The following CAND1 variants were observed in gnomAD, a reference collection of about 807,000 sequenced individuals.
The protein encoded by CAND1 is cullin associated and neddylation dissociated 1, also known as cullin-associated NEDD8-dissociated protein 1.
A neutral mutation model predicts 108.5 loss-of-function variants in CAND1; 7 were observed. The observed-to-expected ratio is 0.06, with a 90% confidence interval of 0.04 to 0.12. The LOEUF is 0.12. Ranked by LOEUF, CAND1 falls within the 10% of genes least tolerant of loss-of-function variation. CAND1 has a pLI of 1.00. For missense variants in CAND1, 941 were observed against 1,448.7 expected (o/e 0.65, Z 5.69); for synonymous variants, 534 against 512.0 (o/e 1.04, Z -0.58).
chr12:67,284,490 C>A (rs992700590), intron 2 of CAND1, among the ~76,000 whole-genome samples: 2 of 152,020 alleles, frequency 1.3e-5, no homozygotes, highest in Non-Finnish European at 2.9e-5. Flanking sequence ...AACATTGAAT[C>A]TTGATTAAAA....
chr12:67,289,589 G>A (rs866298076), intron 2 of CAND1, among the ~76,000 whole-genome samples: 6 of 152,128 alleles, frequency 3.9e-5, no homozygotes, highest in Admixed American at 1.3e-4. Flanking sequence ...GTTTCACCAT[G>A]TTGCCCAGGC....
At chr12:67,282,813 G>A (rs1295428980) in intron 2 of CAND1, among the ~76,000 whole-genome samples, 2 of 152,102 alleles carry the variant, frequency 1.3e-5, no homozygotes, top group African/African-American at 2.4e-5. Flanking sequence ...CATATGATAC[G>A]ATAGTTACAG....
In CAND1 at chr12:67,319,281, C is replaced by T. The variant is rs1410408712; in HGVS notation, c.*6451C>T. 6.6e-6 allele frequency: 1 copy of T among 152,260 alleles called. No individual in the cohort carries two copies. Among genetic ancestry groups the T allele is most frequent in the African/African-American group, 2.4e-5 (1 of 41,458 alleles). The allele number at this position is 152,260 out of a possible 1,614,324, so 9.4% of individuals were successfully genotyped here. On this transcript the variant is annotated 3_prime_UTR_variant, in exon 15 of 15. Transcript: ENST00000545606. ...CTGCCCCACCAGCCTCAGCATCTCTCACAACTAGGACTAACTTTTTCTTCT... is the reference window on the plus strand; with the variant it reads ...CTGCCCCACCAGCCTCAGCATCTCTTACAACTAGGACTAACTTTTTCTTCT...
At chr12:67,270,577 G>C (rs796364576) in intron 1 of CAND1, 38 of 152,270 alleles carry the variant, frequency 2.5e-4, no homozygotes, top group African/African-American at 9.1e-4. Flanking sequence ...ATACGGACCT[G>C]GTGAATATGA....
intron 1 of CAND1, among the ~76,000 whole-genome samples, chr12:67,274,038 C>T (rs1475813276): frequency 1.3e-5 from 2 of 152,140 alleles, no homozygotes; most frequent in Non-Finnish European, 2.9e-5. Context: ...TATAGGATCT[C>T]TTTACCCCCA....
intron 14 of CAND1, among the ~76,000 whole-genome samples, chr12:67,312,359 CT>C (rs2044960546): frequency 6.6e-6 from 1 of 151,964 alleles, no homozygotes; most frequent in African/African-American, 2.4e-5. Flanking sequence ...GTGTCCTACT[CT>C]CTTTGTTACA....
intron 4 of CAND1, among the ~76,000 whole-genome samples, chr12:67,295,617 G>A (rs578140441): frequency 2.0e-5 from 3 of 152,134 alleles, no homozygotes; most frequent in Non-Finnish European, 2.9e-5. Flanking sequence ...TTGGAAGTCA[G>A]ATGTTAGAAC....
chr12:67,281,771 T>G, intron 1 of CAND1, 139 bp from the exon 2 acceptor site: 2 of 570,942 alleles, frequency 3.5e-6, no homozygotes, highest in Non-Finnish European at 5.8e-6. Context: ...TATGATCACT[T>G]TTTTTAAAAA....
At chr12:67,280,706 G>GGCATGTGTAA (rs1565715436) in intron 1 of CAND1, among the ~76,000 whole-genome samples, 2 of 152,176 alleles carry the variant, frequency 1.3e-5, no homozygotes, top group Non-Finnish European at 1.5e-5. Flanking sequence ...TGTTTGGTAA[G>GGCATGTGTAA]GCATGTGGAG....
At chr12:67,271,041 T>C (rs954025208) in intron 1 of CAND1, among the ~76,000 whole-genome samples, 5 of 152,228 alleles carry the variant, frequency 3.3e-5, no homozygotes, top group Admixed American at 3.3e-4. Flanking sequence ...TAAATTGATA[T>C]ACTGGCTTAT....
At chr12:67,301,970 A>G (rs1481687665) in intron 7 of CAND1, among the ~76,000 whole-genome samples, 2 of 152,174 alleles carry the variant, frequency 1.3e-5, no homozygotes, top group Non-Finnish European at 2.9e-5. Flanking sequence ...TTTTGTTTCA[A>G]AGGCTGGGAA....
chr12:67,298,938 T>G lies in CAND1; in HGVS notation c.855-12T>G. The G allele has an allele frequency of 6.7e-7, 1 of 1,501,102 alleles. No individual in the cohort carries two copies. The highest frequency in any genetic ancestry group is 1.4e-5 in the African/African-American group (1 of 72,316). The allele number at this position is 1,501,102 out of a possible 1,614,324, so 93.0% of individuals were successfully genotyped here. On this transcript the variant is annotated splice_polypyrimidine_tract_variant and intron_variant, in intron 6 of 14. Transcript: ENST00000545606. ...TGCAGCTCTTCAAGGCAGCTTTTGTTTTTGTCTTTAGATGTCCTAAGGAAG... is the reference window on the plus strand; with the variant it reads ...TGCAGCTCTTCAAGGCAGCTTTTGTGTTTGTCTTTAGATGTCCTAAGGAAG...
chr12:67,303,992 CT>C (rs397849975), intron 8 of CAND1, among the ~76,000 whole-genome samples: 9,322 of 138,402 alleles, frequency 0.067, 271 homozygotes, highest in African/African-American at 0.11. Context: ...CTTTCTTTCT[CT>C]TTTTTTTTTT....
chr12:67,310,024 C>G lies in CAND1; in HGVS notation c.3149C>G (p.Pro1050Arg). Reference protein sequence around the residue: ...LIRDLLDTVLPHLYNETKVRK... With the variant: ...LIRDLLDTVLRHLYNETKVRK... The stretch of plus-strand genomic sequence containing the variant: ...AGGGATCTATTGGATACTGTTCTTC[C>G]ACATCTTTACAATGAAACAAAAGTT... Residue 1050 changes from proline to arginine, a missense_variant, in exon 12 of 15, where the codon CCA (proline) becomes CGA (arginine). Physicochemically the swap from Pro to Arg is moderately radical, Grantham distance 103. This residue lies in a region of CAND1 where 106 missense variants were observed against 182.0 expected (regional missense o/e 0.58). Transcript: ENST00000545606. 2 of 1,612,366 alleles carry G rather than the reference C, an allele frequency of 1.2e-6. 1 individual carries two copies. Among genetic ancestry groups the G allele is most frequent in the Non-Finnish European group, 1.7e-6 (2 of 1,178,762 alleles).
chr12:67,295,964 G>A (rs1400297043), intron 4 of CAND1, among the ~76,000 whole-genome samples: 2 of 152,172 alleles, frequency 1.3e-5, no homozygotes, highest in African/African-American at 4.8e-5. Context: ...ATGGAAAGTG[G>A]CATTTGAATT....
chr12:67,297,731 C>A lies in CAND1; in HGVS notation c.749-17C>A. On this transcript the variant is annotated splice_polypyrimidine_tract_variant and intron_variant, in intron 5 of 14. Transcript: ENST00000545606. ...AAATTAATGCATGTTTTTAAAGAACCATTATGCTTTTCTTAGGTGAATACC... is the reference window on the plus strand; with the variant it reads ...AAATTAATGCATGTTTTTAAAGAACAATTATGCTTTTCTTAGGTGAATACC... 1.9e-6 allele frequency: 3 copies of A among 1,585,580 alleles called. No individual in the cohort carries two copies.
intron 7 of CAND1, 52 bp from the exon 8 acceptor site, chr12:67,302,271 G>A (rs561650489): frequency 6.8e-7 from 1 of 1,479,088 alleles, no homozygotes; most frequent in South Asian, 1.2e-5. Flanking sequence ...TGTTTTAAAT[G>A]ATATACTTCT....
chr12:67,286,299 C>G (rs1040332498), intron 2 of CAND1, among the ~76,000 whole-genome samples: 1 of 152,148 alleles, frequency 6.6e-6, no homozygotes, highest in Non-Finnish European at 1.5e-5. Flanking sequence ...CTTGAGCCAC[C>G]GCGCCCTGCC....
At position 67,297,867 on chromosome 12, in the gene CAND1, A is replaced by G. The variant is rs770067657; in HGVS notation, c.854+14A>G. The G allele has an allele frequency of 8.3e-5, 123 of 1,486,606 alleles. No homozygotes were observed. Among genetic ancestry groups the G allele is most frequent in the Non-Finnish European group, 1.1e-4 (115 of 1,079,528 alleles). The allele number at this position is 1,486,606 out of a possible 1,614,324, so 92.1% of individuals were successfully genotyped here. ...ATTTGTAAGAAGGTAAGTTTTTAAG[A>G]TCTCTATTTTTTACAAAAAGTTTTT... is the stretch of plus-strand genomic sequence containing the variant. On this transcript the variant is annotated intron_variant, in intron 6 of 14. Coordinates refer to ENST00000545606, the MANE Select transcript of CAND1 (RefSeq NM_018448.5).
Sources: gnomAD v4.1 joint callset for allele counts (sites outside exome capture counted in the v4.1 genomes callset) on GRCh38, gnomAD v4.1.1 for gene constraint, gnomAD v4.1.1 regional missense constraint, MANE v1.5 for transcripts, NCBI Gene and HGNC (gene_info 2026-07-23, HGNC 2026-07-21) for gene names.